The following VTI1A variants were observed in gnomAD, a reference collection of about 807,000 sequenced individuals.
VTI1A encodes vesicle transport through interaction with t-SNAREs 1A.
Under a neutral mutation model 34.9 loss-of-function variants are expected in VTI1A, and 22 were observed. That is an observed-to-expected ratio of 0.63 (90% CI 0.45 to 0.90). The LOEUF is 0.90. VTI1A is among the 40% of genes least tolerant of loss of function. The probability of loss-of-function intolerance (pLI) is 0.00; values close to 1 mark genes in which losing one functional copy is unlikely to be tolerated. For missense variants in VTI1A, 268 were observed against 275.6 expected (o/e 0.97, Z 0.20); for synonymous variants, 87 against 97.3 (o/e 0.89, Z 0.62).
intron 3 of VTI1A, among the ~76,000 whole-genome samples, chr10:112,490,708 T>C (rs1274434012): frequency 6.6e-6 from 1 of 151,950 alleles, no homozygotes; most frequent in Non-Finnish European, 1.5e-5. Context: ...ACATGCCTCT[T>C]AGCGATCCCT....
chr10:112,807,867 A>T (rs568070294), intron 7 of VTI1A, among the ~76,000 whole-genome samples: 1 of 151,534 alleles, frequency 6.6e-6, no homozygotes, highest in South Asian at 2.1e-4. Flanking sequence ...AAAAATAAAA[A>T]ATAAAAATAA....
intron 7 of VTI1A, among the ~76,000 whole-genome samples, chr10:112,790,661 G>T (rs1452891586): frequency 6.6e-6 from 1 of 152,110 alleles, no homozygotes; most frequent in Non-Finnish European, 1.5e-5. Context: ...AAGCTAAGGG[G>T]TGAGGTGGGG....
At position 112,447,215 on chromosome 10, in the gene VTI1A, G is replaced by T; in HGVS notation, c.-159G>T. The T allele has an allele frequency of 1.5e-6, 1 of 660,484 alleles. No homozygotes were observed. Among genetic ancestry groups the T allele is most frequent in the South Asian group, 2.4e-5 (1 of 42,406 alleles). The allele number at this position is 660,484 out of a possible 1,614,324, so 40.9% of individuals were successfully genotyped here. On this transcript the variant is annotated 5_prime_UTR_variant, in exon 1 of 8. Coordinates refer to ENST00000393077, the MANE Select transcript of VTI1A (RefSeq NM_145206.4). ...ATTTCCGGAGAACCGAGATTGCGACGAACAACCAGGAAGCGGCTGGGTTGA... is the reference window on the plus strand; with the variant it reads ...ATTTCCGGAGAACCGAGATTGCGACTAACAACCAGGAAGCGGCTGGGTTGA...
At chr10:112,524,557 C>A (rs984478607) in intron 3 of VTI1A, among the ~76,000 whole-genome samples, 7 of 151,538 alleles carry the variant, frequency 4.6e-5, no homozygotes, top group African/African-American at 1.5e-4. Flanking sequence ...AGCCTTAGTT[C>A]TCCTCTGTTG....
chr10:112,569,637 G>T (rs1435927661), intron 5 of VTI1A, among the ~76,000 whole-genome samples: 3 of 152,246 alleles, frequency 2.0e-5, no homozygotes, highest in African/African-American at 7.2e-5. Flanking sequence ...AAGCGAAGAG[G>T]GTATCCTGGG....
At chr10:112,562,131 A>G (rs931204107) in intron 5 of VTI1A, among the ~76,000 whole-genome samples, 1 of 152,228 alleles carries the variant, frequency 6.6e-6, no homozygotes, top group African/African-American at 2.4e-5. Flanking sequence ...TGCCCTTTCC[A>G]GTACTTGTCA....
At position 112,466,284 on chromosome 10, in the gene VTI1A, T is replaced by C. The variant is rs186203015; in HGVS notation, c.264+1627T>C. Among the ~76,000 whole-genome samples the C allele has an allele frequency of 5.1e-4, 77 of 152,296 alleles. 1 individual carries two copies. The highest frequency in any genetic ancestry group is 7.6e-4 in the Non-Finnish European group (52 of 68,020). Reference sequence around the variant, plus strand: ...CCAACATCAATGGACCTGGTAGAAATCCCTCCTAGAGTCTGAAAATAGGGT... The same window carrying C: ...CCAACATCAATGGACCTGGTAGAAACCCCTCCTAGAGTCTGAAAATAGGGT... On this transcript the variant is annotated intron_variant, in intron 3 of 7. Transcript: ENST00000393077.
intron 7 of VTI1A, among the ~76,000 whole-genome samples, chr10:112,699,799 G>C (rs1848929720): frequency 6.7e-6 from 1 of 148,474 alleles, no homozygotes; most frequent in South Asian, 2.1e-4. Context: ...TTGCACTCCA[G>C]CCTGGGCAAT....
At chr10:112,687,401 T>C (rs1376736686) in intron 7 of VTI1A, among the ~76,000 whole-genome samples, 3 of 151,146 alleles carry the variant, frequency 2.0e-5, no homozygotes, top group Non-Finnish European at 4.4e-5. Context: ...GCCCGGCTAA[T>C]TTTTTGTATT....
chr10:112,572,230 ATAAT>A (rs1228663424), intron 5 of VTI1A, among the ~76,000 whole-genome samples: 1 of 152,340 alleles, frequency 6.6e-6, no homozygotes, highest in South Asian at 2.1e-4. Flanking sequence ...CTTTGGGAAA[ATAAT>A]TAATCTCTCT....
In VTI1A at chr10:112,817,026, C is replaced by G; in HGVS notation, c.*1643C>G. 4.3e-6 allele frequency: 1 copy of G among 232,326 alleles called. No individual in the cohort carries two copies. The highest frequency in any genetic ancestry group is 8.5e-6 in the Non-Finnish European group (1 of 117,462). 14.4% of individuals were successfully genotyped at this position (232,326 alleles called of 1,614,324 possible). A position where few individuals can be genotyped will look rare whatever the true frequency, so the allele number is the denominator to read the frequency against. On this transcript the variant is annotated 3_prime_UTR_variant, in exon 8 of 8. Transcript: ENST00000393077. The stretch of plus-strand genomic sequence containing the variant: ...AGCAGGACAGAGAAGGAGCAGGAAG[C>G]TATGCTAATTTTCCTGTCAGCTTAA...
rs1814969784 is a variant in VTI1A at position 112,480,857 on chromosome 10, T to C, written c.264+16200T>C. 2.0e-5 allele frequency among the ~76,000 whole-genome samples: 3 copies of C among 152,330 alleles called. No homozygotes were observed. The South Asian group carries it at 6.2e-4, about 32-fold the overall frequency. On this transcript the variant is annotated intron_variant, in intron 3 of 7. Coordinates refer to ENST00000393077, the MANE Select transcript of VTI1A (RefSeq NM_145206.4). ...GCTCCCACTCCCAGATGTTGTGATT[T>C]AATTGGCATGGGGTGCAACTTGGGC...
At chr10:112,482,529 C>T (rs1848488413) in intron 3 of VTI1A, among the ~76,000 whole-genome samples, 1 of 152,054 alleles carries the variant, frequency 6.6e-6, no homozygotes, top group African/African-American at 2.4e-5. Flanking sequence ...GGCACTGTGG[C>T]TCACACTAAT....
chr10:112,551,654 A>G (rs1470240310), intron 5 of VTI1A, among the ~76,000 whole-genome samples: 2 of 152,232 alleles, frequency 1.3e-5, no homozygotes, highest in East Asian at 3.8e-4. Context: ...CTATGGGAAA[A>G]TAAATAGCTA....
chr10:112,551,054 G>A (rs190472422), intron 5 of VTI1A, among the ~76,000 whole-genome samples: 35 of 152,000 alleles, frequency 2.3e-4, no homozygotes, highest in Admixed American at 1.4e-3. Context: ...CCATCCTGGC[G>A]AACACTGTGA....
intron 5 of VTI1A, among the ~76,000 whole-genome samples, chr10:112,597,693 C>CTTT (rs1180451909): frequency 0.41 from 36,888 of 89,832 alleles, 8,435 homozygotes; most frequent in Admixed American, 0.49. Context: ...GACCTTGTCT[C>CTTT]TTTTTTTTTT....
intron 7 of VTI1A, among the ~76,000 whole-genome samples, chr10:112,793,177 G>C (rs1852548137): frequency 6.6e-6 from 1 of 152,222 alleles, no homozygotes; most frequent in South Asian, 2.1e-4. Context: ...GACAGCGTTA[G>C]GAGGTAACCG....
At chr10:112,552,120 C>T (rs996887687) in intron 5 of VTI1A, among the ~76,000 whole-genome samples, 28 of 152,006 alleles carry the variant, frequency 1.8e-4, no homozygotes, top group Admixed American at 1.1e-3. Context: ...GTAACACAGG[C>T]GATAACATTG....
At position 112,668,271 on chromosome 10, in the gene VTI1A, C is replaced by G; in HGVS notation, c.481C>G (p.Gln161Glu). 6.2e-7 allele frequency: 1 copy of G among 1,612,468 alleles called. No individual in the cohort carries two copies. The highest frequency in any genetic ancestry group is 2.2e-5 in the East Asian group (1 of 44,774). Reference protein sequence around the residue: ...ENLSHDREKIQRARERLRETD... With the variant: ...ENLSHDREKIERARERLRETD... ...CCTTAGTCATGACAGAGAAAAGATA[C>G]AGCGAGCACGTGAAAGAGTAAGTAC... The change falls in exon 6 of 8, where the codon CAG becomes GAG. Residue 161 changes from glutamine to glutamate, a missense_variant. Coordinates refer to ENST00000393077, the MANE Select transcript of VTI1A (RefSeq NM_145206.4).
Sources: allele counts gnomAD v4.1 joint callset (sites outside exome capture counted in the v4.1 genomes callset), GRCh38; gene constraint gnomAD v4.1.1; transcripts MANE v1.5; gene names NCBI Gene and HGNC (gene_info 2026-07-23, HGNC 2026-07-21).